The following KCNB2 variants were observed in gnomAD, a reference collection of about 807,000 sequenced individuals.
KCNB2 encodes the protein delayed rectifier potassium channel protein.
KCNB2 carries 15 observed loss-of-function variants against 61.5 expected under a neutral mutation model. The observed-to-expected ratio is 0.24, with a 90% CI of 0.16 to 0.38. The LOEUF is 0.38. KCNB2 is among the 10% of genes least tolerant of loss of function. The probability of loss-of-function intolerance (pLI) is 1.00; values close to 1 mark genes in which losing one functional copy is unlikely to be tolerated. For missense variants in KCNB2, 828 were observed against 1,125.2 expected (o/e 0.74, Z 3.78); for synonymous variants, 457 against 446.0 (o/e 1.02, Z -0.31).
intron 2 of KCNB2, among the ~76,000 whole-genome samples, chr8:72,572,520 C>T (rs1000277210): frequency 1.3e-5 from 2 of 151,984 alleles, no homozygotes; most frequent in African/African-American, 4.8e-5. Flanking sequence ...TCCTCCCTCC[C>T]TTTCCCCCAC....
intron 2 of KCNB2, among the ~76,000 whole-genome samples, chr8:72,789,440 T>G (rs1808899094): frequency 6.6e-6 from 1 of 152,140 alleles, no homozygotes. Flanking sequence ...TAAATCTTTT[T>G]GAACCATGGA....
At chr8:72,571,776 G>C (rs561200955) in intron 2 of KCNB2, among the ~76,000 whole-genome samples, 1 of 152,266 alleles carries the variant, frequency 6.6e-6, no homozygotes, top group East Asian at 1.9e-4. Context: ...TGGTTTTAGT[G>C]TGCCTTTCAT....
intron 2 of KCNB2, among the ~76,000 whole-genome samples, chr8:72,724,460 T>A (rs1008807189): frequency 6.6e-6 from 1 of 152,174 alleles, no homozygotes; most frequent in Admixed American, 6.5e-5. Context: ...GGAGAGCTAG[T>A]GCCTTAATTG....
At chr8:72,748,192 A>C (rs1164925635) in intron 2 of KCNB2, among the ~76,000 whole-genome samples, 1 of 152,222 alleles carries the variant, frequency 6.6e-6, no homozygotes, top group Non-Finnish European at 1.5e-5. Context: ...TTATTGTTAT[A>C]ACTTCTTTGA....
At chr8:72,728,822 G>A (rs907982820) in intron 2 of KCNB2, among the ~76,000 whole-genome samples, 3 of 152,124 alleles carry the variant, frequency 2.0e-5, no homozygotes, top group Non-Finnish European at 4.4e-5. Context: ...TGCAAAAAGA[G>A]CAATAAACCA....
In KCNB2 at chr8:72,567,898, G is replaced by A. The variant is rs1806650745; in HGVS notation, c.164G>A (p.Arg55Lys). 5 of 1,613,948 alleles carry A rather than the reference G, an allele frequency of 3.1e-6. No homozygotes were observed. The highest frequency in any genetic ancestry group is 4.2e-6 in the Non-Finnish European group (5 of 1,180,000). Residue 55 changes from arginine to lysine, a missense_variant, in exon 2 of 3, where the codon AGG (arginine) becomes AAG (lysine). Coordinates refer to ENST00000523207, the MANE Select transcript of KCNB2 (RefSeq NM_004770.3). The stretch of plus-strand genomic sequence containing the variant: ...GAAGTCCTGTGGAGAACGCTGGACA[G>A]GCTGCCCAGGACGCGCCTGGGGAAG... ...NHEVLWRTLD[R>K]LPRTRLGKLR... is the part of the protein sequence containing the mutation.
At chr8:72,814,973 A>G (rs1294996070) in intron 2 of KCNB2, among the ~76,000 whole-genome samples, 1 of 152,178 alleles carries the variant, frequency 6.6e-6, no homozygotes, top group South Asian at 2.1e-4. Context: ...AACAAAGCAG[A>G]GCCAAGCAAA....
intron 2 of KCNB2, among the ~76,000 whole-genome samples, chr8:72,909,980 C>T (rs1806258385): frequency 6.6e-6 from 1 of 152,092 alleles, no homozygotes; most frequent in African/African-American, 2.4e-5. Flanking sequence ...AGATCTGGAG[C>T]TAAGGAGAGA....
chr8:72,821,407 T>C (rs1193677660), intron 2 of KCNB2, among the ~76,000 whole-genome samples: 1 of 152,060 alleles, frequency 6.6e-6, no homozygotes, highest in Non-Finnish European at 1.5e-5. Flanking sequence ...AAGACCTAAG[T>C]TCAAGTACCA....
At chr8:72,747,839 A>C (rs1158369299) in intron 2 of KCNB2, among the ~76,000 whole-genome samples, 1 of 152,234 alleles carries the variant, frequency 6.6e-6, no homozygotes, top group Non-Finnish European at 1.5e-5. Context: ...CATGCTTAGC[A>C]TAAAGTTCAA....
At chr8:72,542,074 G>C (rs1240811803) in intron 1 of KCNB2, among the ~76,000 whole-genome samples, 2 of 151,936 alleles carry the variant, frequency 1.3e-5, no homozygotes, top group Admixed American at 6.6e-5. Context: ...ATTAAGTGCA[G>C]AGTTACTATG....
At chr8:72,745,204 G>T (rs1808037452) in intron 2 of KCNB2, among the ~76,000 whole-genome samples, 1 of 152,188 alleles carries the variant, frequency 6.6e-6, no homozygotes, top group African/African-American at 2.4e-5. Flanking sequence ...AAATAAATCT[G>T]CAATAAGGAG....
At position 72,686,407 on chromosome 8, in the gene KCNB2, G is replaced by A. The variant is rs141573855; in HGVS notation, c.579+118094G>A. The stretch of plus-strand genomic sequence containing the variant: ...CTGTTGCCCAGGCTGGAGTGCAGTG[G>A]CACAATCATAGCTTACTGGCCCCTC... On this transcript the variant is annotated intron_variant, in intron 2 of 2. Coordinates refer to ENST00000523207, the MANE Select transcript of KCNB2 (RefSeq NM_004770.3). Among the ~76,000 whole-genome samples, 317 of 152,170 alleles carry A rather than the reference G, an allele frequency of 2.1e-3. 3 individuals are homozygous for A. The highest frequency in any genetic ancestry group is 7.2e-3 in the African/African-American group (298 of 41,516).
intron 2 of KCNB2, among the ~76,000 whole-genome samples, chr8:72,793,588 A>G (rs1241586320): frequency 1.3e-5 from 2 of 152,202 alleles, no homozygotes; most frequent in African/African-American, 2.4e-5. Context: ...ATCTCTTTAA[A>G]AAAAAATACC....
chr8:72,689,431 A>G (rs188982498), intron 2 of KCNB2, among the ~76,000 whole-genome samples: 1 of 152,356 alleles, frequency 6.6e-6, no homozygotes, highest in African/African-American at 2.4e-5. Context: ...AAATTCACCC[A>G]TTATAAATGT....
chr8:72,799,741 A>G (rs1435124577), intron 2 of KCNB2, among the ~76,000 whole-genome samples: 1 of 152,180 alleles, frequency 6.6e-6, no homozygotes, highest in Non-Finnish European at 1.5e-5. Flanking sequence ...ATACCGAAAG[A>G]TGGAGGTATC....
intron 2 of KCNB2, among the ~76,000 whole-genome samples, chr8:72,603,659 A>G (rs1181580793): frequency 6.6e-6 from 1 of 152,142 alleles, no homozygotes; most frequent in African/African-American, 2.4e-5. Context: ...TATTAGCTGT[A>G]CTGGGTTGAT....
intron 2 of KCNB2, among the ~76,000 whole-genome samples, chr8:72,842,860 AT>A (rs1809916691): frequency 6.6e-6 from 1 of 151,910 alleles, no homozygotes; most frequent in Admixed American, 6.5e-5. Context: ...CAGTCCATCT[AT>A]TTTGTTGATC....
Position 72,630,508 on chromosome 8 carries a change from T to C in KCNB2, c.579+62195T>C, listed in dbSNP as rs193148725. Reference sequence around the variant, plus strand: ...GAAACCACAGATGAGAGGGGACTACTGTACCACAAACTGAGCAGCTTAAAC... The same window carrying C: ...GAAACCACAGATGAGAGGGGACTACCGTACCACAAACTGAGCAGCTTAAAC... On this transcript the variant is annotated intron_variant, in intron 2 of 2. Coordinates refer to ENST00000523207, the MANE Select transcript of KCNB2 (RefSeq NM_004770.3). Among the ~76,000 whole-genome samples, 761 of 152,302 alleles carry C rather than the reference T, an allele frequency of 5.0e-3. 6 individuals carry two copies. The highest frequency in any genetic ancestry group is 0.018 in the African/African-American group (732 of 41,576).
Sources: gnomAD v4.1 joint callset for allele counts (sites outside exome capture counted in the v4.1 genomes callset) on GRCh38, gnomAD v4.1.1 for gene constraint, MANE v1.5 for transcripts, NCBI Gene and HGNC (gene_info 2026-07-23, HGNC 2026-07-21) for gene names.